The following RALGPS1 variants were observed in gnomAD, a reference collection of about 807,000 sequenced individuals.
The protein encoded by RALGPS1 is ras-specific guanine nucleotide-releasing factor RalGPS1.
Under a neutral mutation model 78.8 loss-of-function variants are expected in RALGPS1, and 19 were observed. That is an observed-to-expected ratio of 0.24 (90% CI 0.17 to 0.35). The LOEUF is 0.35. Ranked by LOEUF, RALGPS1 falls within the 10% of genes least tolerant of loss-of-function variation. The pLI, the probability that RALGPS1 is intolerant of heterozygous loss-of-function variation, is 1.00. For synonymous variants in RALGPS1, 228 were observed against 256.3 expected, an observed-to-expected ratio of 0.89 and a Z score of 1.06; for missense variants, 454 against 688.3, an observed-to-expected ratio of 0.66 and a Z score of 3.81.
chr9:127,107,969 G>T, intron 8 of RALGPS1: 1 of 1,571,578 alleles, frequency 6.4e-7, no homozygotes. Flanking sequence ...ATAGTGGGCA[G>T]AGGGGGTGGC....
chr9:127,220,201 C>G lies in RALGPS1; in HGVS notation c.*1432C>G, dbSNP rs924493365. Reference sequence around the variant, plus strand: ...CAGTTTTCTGGAAGAGACTGAATTTCTGGGTCCTTGCAGCTGTGATGGTTT... The same window carrying G: ...CAGTTTTCTGGAAGAGACTGAATTTGTGGGTCCTTGCAGCTGTGATGGTTT... On this transcript the variant is annotated 3_prime_UTR_variant, in exon 19 of 19. Coordinates refer to ENST00000259351, the MANE Select transcript of RALGPS1 (RefSeq NM_014636.3). 3.3e-5 allele frequency: 5 copies of G among 152,204 alleles called. No individual in the cohort carries two copies. The highest frequency in any genetic ancestry group is 4.8e-5 in the African/African-American group (2 of 41,438). 9.4% of individuals were successfully genotyped at this position (152,204 alleles called of 1,614,324 possible).
chr9:127,167,386 AC>A (rs1419656864), intron 9 of RALGPS1, among the ~76,000 whole-genome samples: 2 of 152,210 alleles, frequency 1.3e-5, no homozygotes, highest in African/African-American at 4.8e-5. Flanking sequence ...ATACATTGAT[AC>A]TTGTTGTTCC....
intron 4 of RALGPS1, among the ~76,000 whole-genome samples, chr9:126,979,301 T>G (rs2041003740): frequency 2.0e-5 from 3 of 151,558 alleles, no homozygotes; most frequent in African/African-American, 7.3e-5. Context: ...TCATTAGGGT[T>G]GGGGAACAGA....
chr9:127,103,737 T>C (rs1452909366), intron 8 of RALGPS1, among the ~76,000 whole-genome samples: 2 of 152,138 alleles, frequency 1.3e-5, no homozygotes, highest in Non-Finnish European at 2.9e-5. Flanking sequence ...TTCCCAGAGC[T>C]CATTTTAAGG....
At chr9:126,941,678 T>C (rs1453393147) in intron 1 of RALGPS1, among the ~76,000 whole-genome samples, 1 of 151,978 alleles carries the variant, frequency 6.6e-6, no homozygotes. Flanking sequence ...GTGCTTGATA[T>C]ATACTAGCTT....
chr9:127,022,145 G>A (rs1025862751), intron 4 of RALGPS1, among the ~76,000 whole-genome samples: 1 of 152,038 alleles, frequency 6.6e-6, no homozygotes, highest in Non-Finnish European at 1.5e-5. Context: ...TTCACTGGAG[G>A]CACCATTTTT....
intron 10 of RALGPS1, among the ~76,000 whole-genome samples, chr9:127,171,848 G>A (rs934229393): frequency 1.3e-5 from 2 of 152,210 alleles, no homozygotes; most frequent in African/African-American, 2.4e-5. Context: ...ATTGTGAACA[G>A]TGTCAGCCAA....
intron 1 of RALGPS1, among the ~76,000 whole-genome samples, chr9:126,927,743 C>T (rs1251734521): frequency 6.6e-6 from 1 of 152,160 alleles, no homozygotes; most frequent in Non-Finnish European, 1.5e-5. Flanking sequence ...CAGAAAGTTG[C>T]GCCCTCCCCC....
In RALGPS1 at chr9:127,026,901, G is replaced by A. The variant is rs182180728; in HGVS notation, c.217-7530G>A. 1.2e-3 allele frequency among the ~76,000 whole-genome samples: 179 copies of A among 152,332 alleles called. 1 individual carries two copies. The highest frequency in any genetic ancestry group is 1.3e-4 in the Non-Finnish European group (9 of 68,036). On this transcript the variant is annotated intron_variant, in intron 4 of 18. Transcript: ENST00000259351. The stretch of plus-strand genomic sequence containing the variant: ...TTATTCTGTGGGTTCCAGCATGGAA[G>A]CCTTTAATTCTCCCATCCCACTTTT...
At chr9:127,019,199 A>G (rs1183011963) in intron 4 of RALGPS1, among the ~76,000 whole-genome samples, 3 of 152,232 alleles carry the variant, frequency 2.0e-5, no homozygotes, top group Non-Finnish European at 4.4e-5. Context: ...AGAGTTAAGA[A>G]ACAGTCACTC....
At chr9:127,027,000 A>C (rs1049678164) in intron 4 of RALGPS1, among the ~76,000 whole-genome samples, 1 of 152,016 alleles carries the variant, frequency 6.6e-6, no homozygotes, top group East Asian at 1.9e-4. Context: ...CTGACCTTTC[A>C]TTTGTCCTCT....
At chr9:127,124,076 A>T (rs926837497) in intron 8 of RALGPS1, among the ~76,000 whole-genome samples, 3 of 152,126 alleles carry the variant, frequency 2.0e-5, no homozygotes, top group Non-Finnish European at 4.4e-5. Context: ...TCTTTCAGAG[A>T]TGGCCCAAGC....
chr9:126,994,430 G>A (rs1478916270), intron 4 of RALGPS1, among the ~76,000 whole-genome samples: 1 of 152,190 alleles, frequency 6.6e-6, no homozygotes. Flanking sequence ...AAGGGTATCA[G>A]TGATGGAAGA....
At chr9:127,079,319 G>A (rs1007143647) in intron 8 of RALGPS1, among the ~76,000 whole-genome samples, 1 of 152,200 alleles carries the variant, frequency 6.6e-6, no homozygotes. Context: ...TGGGACAAAG[G>A]AAAGACTGGG....
chr9:126,993,180 C>T (rs181158383), intron 4 of RALGPS1, among the ~76,000 whole-genome samples: 2 of 152,220 alleles, frequency 1.3e-5, no homozygotes, highest in South Asian at 2.1e-4. Flanking sequence ...TTACATTGAT[C>T]GATTTTTGAC....
At chr9:127,097,231 G>A (rs567057863) in intron 8 of RALGPS1, among the ~76,000 whole-genome samples, 4 of 152,220 alleles carry the variant, frequency 2.6e-5, no homozygotes, top group Admixed American at 6.5e-5. Flanking sequence ...ATTTTTCAAC[G>A]ATTGTAGTGT....
In RALGPS1 at chr9:127,003,017, G is replaced by A. The variant is rs1445949675; in HGVS notation, c.216+25272G>A. Among the ~76,000 whole-genome samples, 22 of 152,190 alleles carry A rather than the reference G, an allele frequency of 1.4e-4. No homozygotes were observed. In the South Asian group the frequency reaches 3.1e-3, roughly 22 times the overall value. ...TCTAGTTCTAGATCCCTGAGGAATC[G>A]CCACACTGACTTCCACAATGGTTGA... On this transcript the variant is annotated intron_variant, in intron 4 of 18. Coordinates refer to ENST00000259351, the MANE Select transcript of RALGPS1 (RefSeq NM_014636.3).
chr9:126,949,166 T>C (rs1307893127), intron 1 of RALGPS1, among the ~76,000 whole-genome samples: 5 of 152,354 alleles, frequency 3.3e-5, no homozygotes, highest in African/African-American at 1.2e-4. Flanking sequence ...GACTGCATAG[T>C]ATTCCATGGT....
intron 4 of RALGPS1, among the ~76,000 whole-genome samples, chr9:127,021,087 G>A (rs2045393526): frequency 6.6e-6 from 1 of 152,112 alleles, no homozygotes; most frequent in Non-Finnish European, 1.5e-5. Context: ...AAGGCTAATA[G>A]GTAATTTAAA....
Sources: gnomAD v4.1 joint callset for allele counts (sites outside exome capture counted in the v4.1 genomes callset) on GRCh38, gnomAD v4.1.1 for gene constraint, MANE v1.5 for transcripts, NCBI Gene and HGNC (gene_info 2026-07-23, HGNC 2026-07-21) for gene names.